SERPINI1: variants seen among roughly 807,000 people sequenced by gnomAD.
SERPINI1 encodes the protein serpin family I member 1.
A neutral mutation model predicts 41.1 loss-of-function variants in SERPINI1; 19 were observed. That is an observed-to-expected ratio of 0.46 (90% CI 0.32 to 0.68). The LOEUF (loss-of-function observed/expected upper bound fraction) is 0.68. SERPINI1 is among the 30% of genes least tolerant of loss of function. The probability of loss-of-function intolerance (pLI) is 0.03; values close to 1 mark genes in which losing one functional copy is unlikely to be tolerated. For synonymous variants in SERPINI1, 138 were observed against 156.6 expected (o/e 0.88, Z 0.89); for missense variants, 460 against 479.2 (o/e 0.96, Z 0.37).
intron 1 of SERPINI1, among the ~76,000 whole-genome samples, chr3:167,739,426 T>C: frequency 6.6e-6 from 1 of 152,240 alleles, no homozygotes; most frequent in African/African-American, 2.4e-5. Flanking sequence ...GTCTTTATGC[T>C]AGTTTGCCTT....
At chr3:167,759,066 CATT>C (rs1403913736) in intron 1 of SERPINI1, among the ~76,000 whole-genome samples, 1 of 152,104 alleles carries the variant, frequency 6.6e-6, no homozygotes, top group Non-Finnish European at 1.5e-5. Flanking sequence ...CAAGGCCACT[CATT>C]ATAGAGCCAG....
At chr3:167,796,923 T>G (rs892219009) in intron 5 of SERPINI1, among the ~76,000 whole-genome samples, 3 of 152,100 alleles carry the variant, frequency 2.0e-5, no homozygotes, top group African/African-American at 7.2e-5. Flanking sequence ...TGGTTCTAGA[T>G]CTTTGAGGAG....
At chr3:167,766,954 A>G (rs908928689) in intron 1 of SERPINI1, among the ~76,000 whole-genome samples, 1 of 152,246 alleles carries the variant, frequency 6.6e-6, no homozygotes, top group African/African-American at 2.4e-5. Flanking sequence ...AGCTGCAGCA[A>G]GTTATCCAGA....
chr3:167,771,987 T>TA (rs1469431636), intron 1 of SERPINI1, among the ~76,000 whole-genome samples: 1 of 152,242 alleles, frequency 6.6e-6, no homozygotes, highest in Non-Finnish European at 1.5e-5. Context: ...AGTGAAATAG[T>TA]ACGAGGCTTG....
intron 5 of SERPINI1, among the ~76,000 whole-genome samples, chr3:167,796,155 TA>T: frequency 6.6e-6 from 1 of 152,172 alleles, no homozygotes; most frequent in South Asian, 2.1e-4. Flanking sequence ...TCAATGTTTC[TA>T]AAAACTTAGC....
At chr3:167,748,334 C>G (rs1180279664) in intron 1 of SERPINI1, among the ~76,000 whole-genome samples, 1 of 152,048 alleles carries the variant, frequency 6.6e-6, no homozygotes, top group Non-Finnish European at 1.5e-5. Context: ...TGTAAGGCAG[C>G]TATATTTGTA....
rs999612588 is a variant in SERPINI1 at position 167,763,308 on chromosome 3, T to A, written c.-18-25803T>A. Among the ~76,000 whole-genome samples, 9 of 152,150 alleles carry A rather than the reference T, an allele frequency of 5.9e-5. No individual in the cohort carries two copies. In the South Asian group the frequency reaches 1.9e-3, roughly 32 times the overall value. On this transcript the variant is annotated intron_variant, in intron 1 of 8. Transcript: ENST00000446050. ...TTGTAATTATTGCTCAATTATTTCC[T>A]CGTTTCCCATTCCTCTCATGCCACC...
chr3:167,748,660 A>G (rs534479266), intron 1 of SERPINI1, among the ~76,000 whole-genome samples: 1 of 152,168 alleles, frequency 6.6e-6, no homozygotes, highest in Admixed American at 6.5e-5. Context: ...AGGGAATTTG[A>G]GTATGAAATC....
intron 1 of SERPINI1, among the ~76,000 whole-genome samples, chr3:167,740,110 G>GT (rs1725629878): frequency 6.7e-6 from 1 of 148,226 alleles, no homozygotes; most frequent in South Asian, 2.1e-4. Context: ...ATAGTTCACT[G>GT]TAACCTTGAA....
chr3:167,746,584 G>A (rs930934729), intron 1 of SERPINI1, among the ~76,000 whole-genome samples: 4 of 152,106 alleles, frequency 2.6e-5, no homozygotes, highest in African/African-American at 9.7e-5. Context: ...ATTAAAAGTA[G>A]GCAAAGGATA....
chr3:167,785,067 C>G (rs969731704), intron 1 of SERPINI1, among the ~76,000 whole-genome samples: 1 of 151,992 alleles, frequency 6.6e-6, no homozygotes, highest in African/African-American at 2.4e-5. Flanking sequence ...ATGGTGAAAC[C>G]CCGTCTCTAC....
intron 4 of SERPINI1, among the ~76,000 whole-genome samples, 179 bp downstream of exon 4, chr3:167,792,963 T>A (rs905417561): frequency 2.6e-5 from 4 of 152,206 alleles, no homozygotes; most frequent in Non-Finnish European, 5.9e-5. Flanking sequence ...TATTCATTGA[T>A]GGTTTCCAGA....
intron 1 of SERPINI1, among the ~76,000 whole-genome samples, chr3:167,736,550 C>G (rs1166816930): frequency 6.6e-6 from 1 of 152,090 alleles, no homozygotes; most frequent in Non-Finnish European, 1.5e-5. Flanking sequence ...TCATTTGTGT[C>G]CGATAATATG....
At chr3:167,816,711 T>C (rs1405080774) in intron 6 of SERPINI1, among the ~76,000 whole-genome samples, 1 of 152,116 alleles carries the variant, frequency 6.6e-6, no homozygotes, top group Non-Finnish European at 1.5e-5. Context: ...AATTAGTTTC[T>C]GGGTTCAATA....
At chr3:167,817,252 A>G (rs920999704) in intron 6 of SERPINI1, among the ~76,000 whole-genome samples, 1 of 152,116 alleles carries the variant, frequency 6.6e-6, no homozygotes, top group African/African-American at 2.4e-5. Context: ...TAATTTTCTG[A>G]TTTCTAAGGA....
At position 167,814,069 on chromosome 3, in the gene SERPINI1, C is replaced by A. The variant is rs141529102; in HGVS notation, c.979+6728C>A. 4.1e-4 allele frequency among the ~76,000 whole-genome samples: 62 copies of A among 152,298 alleles called. No individual in the cohort carries two copies. The East Asian group carries it at 0.012, about 29-fold the overall frequency. ...CTCTGAGACCCACCTTTCTGAATAA[C>A]CTGTGTCAAATAGCTCCTCTTCGCT... On this transcript the variant is annotated intron_variant, in intron 6 of 8. Transcript: ENST00000446050.
intron 2 of SERPINI1, among the ~76,000 whole-genome samples, chr3:167,789,822 T>C (rs1483952638): frequency 1.3e-5 from 2 of 152,188 alleles, no homozygotes; most frequent in Admixed American, 1.3e-4. Flanking sequence ...TTTTGAAGTG[T>C]TATCTTATTA....
intron 6 of SERPINI1, among the ~76,000 whole-genome samples, chr3:167,808,810 T>C (rs1377031979): frequency 3.3e-5 from 5 of 152,154 alleles, no homozygotes; most frequent in African/African-American, 9.7e-5. Flanking sequence ...CATGTAGGTG[T>C]GTGTGAGAGA....
intron 4 of SERPINI1, among the ~76,000 whole-genome samples, chr3:167,793,596 A>ATATATATATATATTTTTTTTT: frequency 7.1e-6 from 1 of 140,608 alleles, no homozygotes; most frequent in African/African-American, 2.7e-5. Context: ...ATATATATAT[A>ATATATATATATATTTTTTTTT]TTTTTAATTA....
Sources: allele counts gnomAD v4.1 joint callset (sites outside exome capture counted in the v4.1 genomes callset), GRCh38; gene constraint gnomAD v4.1.1; transcripts MANE v1.5; gene names NCBI Gene and HGNC (gene_info 2026-07-23, HGNC 2026-07-21).